The following MRPL30 variants were observed in gnomAD, a reference collection of about 807,000 sequenced individuals.
MRPL30 encodes the protein large ribosomal subunit protein uL30m.
Under a neutral mutation model 17.2 loss-of-function variants are expected in MRPL30, and 10 were observed. The ratio of observed to expected loss-of-function variants is 0.58; its 90% confidence interval spans 0.36 to 0.99. MRPL30 has a LOEUF of 0.99. MRPL30 is among the 50% of genes least tolerant of loss of function. The probability of loss-of-function intolerance (pLI) is 0.01; values close to 1 mark genes in which losing one functional copy is unlikely to be tolerated. For synonymous variants in MRPL30, 61 were observed against 62.1 expected (o/e 0.98, Z 0.08); for missense variants, 170 against 189.8 (o/e 0.90, Z 0.61).
At chr2:99,195,408 A>G in intron 5 of MRPL30, 165 bp from the exon 6 acceptor site, 2 of 876,796 alleles carry the variant, frequency 2.3e-6, no homozygotes, top group Non-Finnish European at 3.5e-6. Flanking sequence ...GGTAATTGGC[A>G]TATCCATCAT....
chr2:99,187,618 G>A (rs181152045), intron 2 of MRPL30, among the ~76,000 whole-genome samples: 3 of 152,242 alleles, frequency 2.0e-5, no homozygotes, highest in African/African-American at 4.8e-5. Context: ...GAGGTCAGGA[G>A]ATCGAGACCA....
intron 2 of MRPL30, chr2:99,187,100 C>G (rs1357567550): frequency 6.6e-6 from 1 of 152,220 alleles, no homozygotes; most frequent in African/African-American, 2.4e-5. Flanking sequence ...GCTGAGGAAA[C>G]TGACCCTCTG....
intron 1 of MRPL30, among the ~76,000 whole-genome samples, chr2:99,184,083 G>T (rs1404477638): frequency 6.6e-6 from 1 of 151,968 alleles, no homozygotes; most frequent in South Asian, 2.1e-4. Context: ...TGAATTTAGG[G>T]TTATTTATTT....
At chr2:99,193,023 C>T (rs925734431) in intron 3 of MRPL30, among the ~76,000 whole-genome samples, 6 of 152,180 alleles carry the variant, frequency 3.9e-5, no homozygotes, top group Non-Finnish European at 8.8e-5. Flanking sequence ...AAGAAACTCG[C>T]ATCAGAGTGA....
intron 1 of MRPL30, 32 bp downstream of exon 1, chr2:99,181,281 C>A: frequency 2.9e-6 from 1 of 346,228 alleles, no homozygotes; most frequent in South Asian, 3.8e-5. Flanking sequence ...GAGAGTGCGG[C>A]ATTCTTCGCA....
chr2:99,191,065 G>A (rs1316900572), intron 3 of MRPL30, among the ~76,000 whole-genome samples: 1 of 150,840 alleles, frequency 6.6e-6, no homozygotes, highest in African/African-American at 2.4e-5. Context: ...GGAGTGTGGT[G>A]GCGTGGTCTC....
At chr2:99,182,176 T>C (rs1402232328) in intron 1 of MRPL30, among the ~76,000 whole-genome samples, 1 of 152,240 alleles carries the variant, frequency 6.6e-6, no homozygotes, top group East Asian at 1.9e-4. Flanking sequence ...ATGCCTGATA[T>C]TTTCCTGTTT....
chr2:99,183,200 G>T (rs544853195), intron 1 of MRPL30, among the ~76,000 whole-genome samples: 4 of 152,266 alleles, frequency 2.6e-5, no homozygotes, highest in South Asian at 2.1e-4. Flanking sequence ...GATTGAGCAA[G>T]AGAGTAATTG....
chr2:99,185,302 T>C (rs575597413), intron 1 of MRPL30, among the ~76,000 whole-genome samples: 1 of 152,242 alleles, frequency 6.6e-6, no homozygotes, highest in Non-Finnish European at 1.5e-5. Context: ...GTATTCTTAT[T>C]AGCTTTGTAG....
intron 3 of MRPL30, among the ~76,000 whole-genome samples, chr2:99,193,426 A>T (rs1473224077): frequency 6.6e-6 from 1 of 152,188 alleles, no homozygotes; most frequent in Non-Finnish European, 1.5e-5. Context: ...TTATTAAAAT[A>T]CCATCTTTTT....
chr2:99,184,683 G>C (rs1022395855), intron 1 of MRPL30, among the ~76,000 whole-genome samples: 10 of 152,206 alleles, frequency 6.6e-5, no homozygotes, highest in African/African-American at 2.4e-4. Flanking sequence ...TGATCAGAAA[G>C]ATTTTTTAAA....
At position 99,186,257 on chromosome 2, in the gene MRPL30, A is replaced by G. The variant is rs1422669885; in HGVS notation, c.51+3A>G. The G allele has an allele frequency of 6.2e-7, 1 of 1,613,660 alleles. No homozygotes were observed. The highest frequency in any genetic ancestry group is 1.1e-5 in the South Asian group (1 of 91,016). The stretch of plus-strand genomic sequence containing the variant: ...AATGGCCCCCAGGCAGACTACAGGT[A>G]AGTGTTTCTTTTCAAGAATTTGTCT... On this transcript the variant is annotated splice_donor_region_variant and intron_variant, in intron 2 of 5. Coordinates refer to ENST00000338148, the MANE Select transcript of MRPL30 (RefSeq NM_145212.4).
At chr2:99,185,585 T>C (rs894454349) in intron 1 of MRPL30, among the ~76,000 whole-genome samples, 1 of 152,162 alleles carries the variant, frequency 6.6e-6, no homozygotes, top group African/African-American at 2.4e-5. Flanking sequence ...ATAGAAGCAA[T>C]GCGTGTGCAT....
chr2:99,194,026 A>G (rs1455309005), intron 3 of MRPL30, among the ~76,000 whole-genome samples: 1 of 142,380 alleles, frequency 7.0e-6, no homozygotes, highest in Non-Finnish European at 1.5e-5. Context: ...CGATAGAGCA[A>G]GACTCCATCT....
rs565092998 is a variant in MRPL30, at chr2:99,184,320, C to T, written c.-27-1857C>T. On this transcript the variant is annotated intron_variant, in intron 1 of 5. Transcript: ENST00000338148. ...TTAAAGAATGCAGCCAAGATCTGGG[C>T]ACTGGGTGTGCTCCTTGCCACTGAG... 3.9e-5 allele frequency among the ~76,000 whole-genome samples: 6 copies of T among 152,294 alleles called. No individual in the cohort carries two copies. In the East Asian group the frequency reaches 1.2e-3, roughly 29 times the overall value.
In MRPL30 at chr2:99,198,370, G is replaced by T. The variant is rs1034330242; in HGVS notation, c.*2665G>T. Among the ~76,000 whole-genome samples, 1 of 152,328 alleles carries T rather than the reference G, an allele frequency of 6.6e-6. No homozygotes were observed. Among genetic ancestry groups the T allele is most frequent in the Non-Finnish European group, 1.5e-5 (1 of 68,030 alleles). Reference sequence around the variant, plus strand: ...CCCAAGCACTCTCAGGTTGTTGGCAGAATTTGTTTCCTTATGGCTGTAGGA... The same window carrying T: ...CCCAAGCACTCTCAGGTTGTTGGCATAATTTGTTTCCTTATGGCTGTAGGA... On this transcript the variant is annotated 3_prime_UTR_variant, in exon 6 of 6. Transcript: ENST00000338148.
Position 99,194,903 on chromosome 2 carries a change from C to T in MRPL30, c.279+6C>T. Reference sequence around the variant, plus strand: ...AGATGCTTGGATTAGAAAAAGTATGCAATTATTTTAATCATCTTTAGTGTT... The same window carrying T: ...AGATGCTTGGATTAGAAAAAGTATGTAATTATTTTAATCATCTTTAGTGTT... On this transcript the variant is annotated splice_donor_region_variant and intron_variant, in intron 4 of 5. Transcript: ENST00000338148. 6.4e-7 allele frequency: 1 copy of T among 1,554,042 alleles called. No individual in the cohort carries two copies. Among genetic ancestry groups the T allele is most frequent in the Non-Finnish European group, 8.7e-7 (1 of 1,152,582 alleles).
intron 3 of MRPL30, among the ~76,000 whole-genome samples, chr2:99,194,150 G>A (rs2093951372): frequency 6.6e-6 from 1 of 152,124 alleles, no homozygotes; most frequent in Admixed American, 6.6e-5. Context: ...AGGAACACGG[G>A]TTGCCTTTAA....
At chr2:99,194,522 A>C (rs1376761420) in intron 3 of MRPL30, among the ~76,000 whole-genome samples, 2 of 152,162 alleles carry the variant, frequency 1.3e-5, no homozygotes, top group Non-Finnish European at 2.9e-5. Flanking sequence ...TGACATTTAA[A>C]TTATTTAGTG....
Sources: allele counts gnomAD v4.1 joint callset (sites outside exome capture counted in the v4.1 genomes callset), GRCh38; gene constraint gnomAD v4.1.1; transcripts MANE v1.5; gene names NCBI Gene and HGNC (gene_info 2026-07-23, HGNC 2026-07-21).